C16orf89: variants seen among roughly 807,000 people sequenced by gnomAD.
C16orf89 encodes the protein UPF0764 protein C16orf89.
A neutral mutation model predicts 41.5 loss-of-function variants in C16orf89; 57 were observed. The observed-to-expected ratio is 1.38, with a 90% CI of 1.11 to 1.71. C16orf89 has a LOEUF of 1.71. Ranked by LOEUF, C16orf89 falls within the 40% of genes most tolerant of loss-of-function variation. The pLI is 0.00. For missense variants in C16orf89, 575 were observed against 445.9 expected (o/e 1.29, Z -2.61); for synonymous variants, 223 against 190.6 (o/e 1.17, Z -1.40).
chr16:5,061,382 G>A (rs969974045), intron 2 of C16orf89, among the ~76,000 whole-genome samples: 1 of 133,880 alleles, frequency 7.5e-6, no homozygotes, highest in Non-Finnish European at 1.5e-5. Flanking sequence ...GCAGTGAGCT[G>A]AGATCGCACC....
At chr16:5,057,414 C>T (rs1302719033) in intron 4 of C16orf89, among the ~76,000 whole-genome samples, 2 of 143,466 alleles carry the variant, frequency 1.4e-5, no homozygotes, top group African/African-American at 5.1e-5. Flanking sequence ...TATATAGTGG[C>T]ATATATATAT....
rs565276449 is a variant in C16orf89, at chr16:5,044,154, C to T, written c.*194G>A. 33 of 1,345,212 alleles carry T rather than the reference C, an allele frequency of 2.5e-5. 1 individual carries two copies. The African/African-American group carries it at 4.7e-4, about 19-fold the overall frequency. The allele number at this position is 1,345,212 out of a possible 1,614,324, so 83.3% of individuals were successfully genotyped here. The stretch of plus-strand genomic sequence containing the variant: ...CAGTTGAACTTTATTCATCCGTTCA[C>T]ACCTGGGTCCCTCCCGGCCCCCACC... On this transcript the variant is annotated 3_prime_UTR_variant, in exon 8 of 8. Coordinates refer to ENST00000472572, the MANE Select transcript of C16orf89 (RefSeq NM_001098514.3).
At chr16:5,065,065 A>T (rs566781956) in intron 1 of C16orf89, among the ~76,000 whole-genome samples, 1 of 151,666 alleles carries the variant, frequency 6.6e-6, no homozygotes, top group South Asian at 2.1e-4. Context: ...TGTGTGTGTG[A>T]TATGCTTGTG....
intron 6 of C16orf89, 124 bp from the exon 7 acceptor site, chr16:5,048,088 C>T (rs764727154): frequency 1.0e-4 from 65 of 632,598 alleles, no homozygotes; most frequent in Non-Finnish European, 1.7e-4. Context: ...GGTGCAGTAA[C>T]GCAATCATAG....
intron 4 of C16orf89, among the ~76,000 whole-genome samples, chr16:5,056,654 T>G (rs1352874103): frequency 6.6e-6 from 1 of 152,142 alleles, no homozygotes; most frequent in Non-Finnish European, 1.5e-5. Flanking sequence ...ACCGGGCTGG[T>G]GACTCCCCAC....
At chr16:5,047,988 C>G in intron 6 of C16orf89, 24 bp from the exon 7 acceptor site, 2 of 1,237,392 alleles carry the variant, frequency 1.6e-6, no homozygotes, top group Middle Eastern at 1.9e-4. Flanking sequence ...AAAAGTTGAA[C>G]TTCTCAAGAG....
At position 5,058,589 on chromosome 16, in the gene C16orf89, G is replaced by A. The variant is rs778333338; in HGVS notation, c.531C>T (p.Cys177=). 1.5e-5 allele frequency: 24 copies of A among 1,611,506 alleles called. No homozygotes were observed. In the Admixed American group the frequency reaches 1.8e-4, roughly 12 times the overall value. Residue 177 remains cysteine, a synonymous_variant, in exon 4 of 8, where the codon TGC becomes TGT. Transcript: ENST00000472572. ...GGCTCCTGCAGAGGTCTGAGAGGCC[G>A]CAGGGCTCGCTGCTGTCCGTCCTGG... ...LGTGTDSSEP[C]GLSDLCRSLM...
intron 7 of C16orf89, among the ~76,000 whole-genome samples, chr16:5,046,375 A>G (rs1956298002): frequency 6.6e-6 from 1 of 151,552 alleles, no homozygotes; most frequent in Non-Finnish European, 1.5e-5. Context: ...TTTTTGAGAC[A>G]CAGTCTCACT....
At chr16:5,064,148 A>T (rs544031830) in intron 1 of C16orf89, among the ~76,000 whole-genome samples, 1 of 151,990 alleles carries the variant, frequency 6.6e-6, no homozygotes, top group Non-Finnish European at 1.5e-5. Context: ...TATAATAATA[A>T]TAATAAATAA....
chr16:5,044,846 A>G, intron 7 of C16orf89: 1 of 1,238,276 alleles, frequency 8.1e-7, no homozygotes, highest in Non-Finnish European at 1.0e-6. Flanking sequence ...TCTGTCTCAA[A>G]AAAAAAAAAA....
At chr16:5,049,809 C>T (rs1956364853) in intron 6 of C16orf89, among the ~76,000 whole-genome samples, 5 of 151,808 alleles carry the variant, frequency 3.3e-5, no homozygotes, top group Admixed American at 2.0e-4. Context: ...AAAGCAAGAC[C>T]AAATCAAGCC....
At chr16:5,044,119 G>T, downstream of C16orf89, 1 of 1,249,248 alleles carries the variant, frequency 8.0e-7, no homozygotes, top group East Asian at 3.6e-5. Flanking sequence ...ACTCAACCCT[G>T]GGTCAGTTGC....
At chr16:5,064,266 A>G (rs1161503214) in intron 1 of C16orf89, among the ~76,000 whole-genome samples, 1 of 152,198 alleles carries the variant, frequency 6.6e-6, no homozygotes, top group East Asian at 1.9e-4. Context: ...CCTGGTGTCA[A>G]AAAGGTTGGG....
intron 5 of C16orf89, 154 bp from the exon 6 acceptor site, chr16:5,055,504 G>T: frequency 1.1e-6 from 1 of 948,300 alleles, no homozygotes; most frequent in Non-Finnish European, 1.6e-6. Flanking sequence ...GGCAGCTTGA[G>T]CCTTTGCCTG....
rs764964943 is a variant in C16orf89 at position 5,047,942 on chromosome 16, A to T, written c.891T>A (p.Ser297=). 6.3e-7 allele frequency: 1 copy of T among 1,599,824 alleles called. No individual in the cohort carries two copies. Among genetic ancestry groups the T allele is most frequent in the Admixed American group, 1.7e-5 (1 of 59,780 alleles). ...AATGCTGCTGATATTGAATAGCTTTAGATAATTCTTCATCTTCAGCATCTG... is the reference window on the plus strand; with the variant it reads ...AATGCTGCTGATATTGAATAGCTTTTGATAATTCTTCATCTTCAGCATCTG... ...GEPDAEDEEL[S]KAIQYQQHFS... Residue 297 remains serine (S), a synonymous_variant, in exon 7 of 8, where the codon TCT becomes TCA. Coordinates refer to ENST00000472572, the MANE Select transcript of C16orf89 (RefSeq NM_001098514.3).
intron 6 of C16orf89, among the ~76,000 whole-genome samples, chr16:5,048,393 A>T (rs1329605653): frequency 6.6e-6 from 1 of 152,178 alleles, no homozygotes; most frequent in Non-Finnish European, 1.5e-5. Context: ...ATTTCAAGGA[A>T]GTTAGGTCTT....
At position 5,059,989 on chromosome 16, in the gene C16orf89, C is replaced by T. The variant is rs576290983; in HGVS notation, c.509+297G>A. ...AGTCTGAAAAGAGGCCTCTAGGGGC[C>T]TGGAGACTTGGAACTGCGGAGAGGA... On this transcript the variant is annotated intron_variant, in intron 3 of 7. Transcript: ENST00000472572. Among the ~76,000 whole-genome samples the T allele has an allele frequency of 4.7e-4, 71 of 152,114 alleles. 2 individuals carry two copies. In the South Asian group the frequency reaches 0.013, roughly 28 times the overall value.
intron 6 of C16orf89, among the ~76,000 whole-genome samples, chr16:5,048,520 C>T (rs1472457109): frequency 6.6e-6 from 1 of 152,130 alleles, no homozygotes; most frequent in African/African-American, 2.4e-5. Flanking sequence ...CCCCAAACAC[C>T]CACCATCAGA....
rs1956728497 is a variant in C16orf89 at position 5,065,759 on chromosome 16, T to C, written c.150A>G (p.Leu50=). 1.2e-6 allele frequency: 2 copies of C among 1,614,092 alleles called. No individual in the cohort carries two copies. Among genetic ancestry groups the C allele is most frequent in the African/African-American group, 2.7e-5 (2 of 74,948 alleles). The stretch of plus-strand genomic sequence containing the variant: ...GGTTGATTTCAGGCAGCCTCTGTTC[T>C]AGGAAGACGGTGGCTCTCTCCAGCG... The part of the protein sequence containing the change: ...LSALERATVF[L]EQRLPEINLD... Residue 50 remains leucine (L), a synonymous_variant, in exon 1 of 8, where the codon CTA becomes CTG. Transcript: ENST00000472572.
Sources: allele counts gnomAD v4.1 joint callset (sites outside exome capture counted in the v4.1 genomes callset), GRCh38; gene constraint gnomAD v4.1.1; transcripts MANE v1.5; gene names NCBI Gene and HGNC (gene_info 2026-07-23, HGNC 2026-07-21).